RPH3A: variants seen among roughly 807,000 people sequenced by gnomAD.
The protein encoded by RPH3A is rabphilin-3A.
A neutral mutation model predicts 102.2 loss-of-function variants in RPH3A; 48 were observed. That is an observed-to-expected ratio of 0.47 (90% CI 0.37 to 0.60). The LOEUF is 0.60. Ranked by LOEUF, RPH3A falls within the 20% of genes least tolerant of loss-of-function variation. The probability of loss-of-function intolerance (pLI) is 0.00; values close to 1 mark genes in which losing one functional copy is unlikely to be tolerated. For synonymous variants in RPH3A, 310 were observed against 324.3 expected, an observed-to-expected ratio of 0.96 and a Z score of 0.47; for missense variants, 781 against 910.1, an observed-to-expected ratio of 0.86 and a Z score of 1.83.
In RPH3A at chr12:112,664,629, A is replaced by G. The variant is rs560464975; in HGVS notation, c.-140+89310A>G. Among the ~76,000 whole-genome samples, 7 of 152,200 alleles carry G rather than the reference A, an allele frequency of 4.6e-5. No homozygotes were observed. In the South Asian group the frequency reaches 1.5e-3, roughly 32 times the overall value. On this transcript the variant is annotated intron_variant, in intron 1 of 21. Transcript: ENST00000543106. Reference sequence around the variant, plus strand: ...TGTCCTTGTCTTCATTATAAGGGAAAGAGAGAGAGGGGCTGAAACCTAGGG... The same window carrying G: ...TGTCCTTGTCTTCATTATAAGGGAAGGAGAGAGAGGGGCTGAAACCTAGGG...
intron 1 of RPH3A, among the ~76,000 whole-genome samples, chr12:112,690,692 G>A (rs2040299709): frequency 6.6e-6 from 1 of 152,188 alleles, no homozygotes; most frequent in South Asian, 2.1e-4. Flanking sequence ...TGGACCCAAC[G>A]AGATCAGGGT....
intron 1 of RPH3A, among the ~76,000 whole-genome samples, chr12:112,741,933 G>C (rs73196575): frequency 0.098 from 14,861 of 152,108 alleles, 816 homozygotes; most frequent in Middle Eastern, 0.15. Flanking sequence ...ACTTGGATGT[G>C]ATTTTGCACG....
At chr12:112,895,902 C>A (rs1236071160) in intron 21 of RPH3A, 29 bp downstream of exon 21, 2 of 1,492,192 alleles carry the variant, frequency 1.3e-6, no homozygotes, top group African/African-American at 1.4e-5. Flanking sequence ...AGAGAAAACG[C>A]CCTCTTCTGT....
intron 1 of RPH3A, among the ~76,000 whole-genome samples, chr12:112,773,474 C>CT (rs952559301): frequency 1.5e-4 from 22 of 151,724 alleles, no homozygotes; most frequent in African/African-American, 4.8e-4. Flanking sequence ...GCAATGTCAT[C>CT]TTTTTTTAAA....
intron 4 of RPH3A, among the ~76,000 whole-genome samples, chr12:112,846,639 G>A (rs1380232929): frequency 6.6e-6 from 1 of 152,224 alleles, no homozygotes. Flanking sequence ...GCTAATGGGG[G>A]GCAGGCTCCT....
chr12:112,592,461 G>A (rs562119464), intron 1 of RPH3A, among the ~76,000 whole-genome samples: 25 of 151,984 alleles, frequency 1.6e-4, no homozygotes, highest in Non-Finnish European at 2.9e-4. Context: ...TGGGATTACG[G>A]GCACACGCCA....
At chr12:112,896,390 T>C (rs1182014778) in intron 21 of RPH3A, among the ~76,000 whole-genome samples, 1 of 152,110 alleles carries the variant, frequency 6.6e-6, no homozygotes, top group East Asian at 1.9e-4. Context: ...AGAATGGTGA[T>C]TTGTAGAAAG....
chr12:112,791,734 C>G (rs1406464218), upstream of RPH3A: 1 of 152,042 alleles, frequency 6.6e-6, no homozygotes, highest in African/African-American at 2.4e-5. Flanking sequence ...GCTGCCGCCC[C>G]GCTTCCCTTG....
chr12:112,760,025 G>A (rs978189333), intron 1 of RPH3A, among the ~76,000 whole-genome samples: 2 of 152,180 alleles, frequency 1.3e-5, no homozygotes, highest in South Asian at 2.1e-4. Flanking sequence ...GGATATTCAC[G>A]GTACAGCAGC....
chr12:112,853,504 G>T (rs1004328703), intron 5 of RPH3A, among the ~76,000 whole-genome samples: 2 of 152,148 alleles, frequency 1.3e-5, no homozygotes, highest in African/African-American at 4.8e-5. Context: ...TGTCCAGCTA[G>T]CCCTAATATG....
intron 1 of RPH3A, among the ~76,000 whole-genome samples, chr12:112,620,201 G>A (rs1175317421): frequency 6.6e-6 from 1 of 152,126 alleles, no homozygotes; most frequent in Non-Finnish European, 1.5e-5. Flanking sequence ...TGATTGGCTT[G>A]GCTGAAGTCA....
intron 1 of RPH3A, among the ~76,000 whole-genome samples, chr12:112,766,621 G>A (rs2040891082): frequency 6.6e-6 from 1 of 152,156 alleles, no homozygotes; most frequent in Non-Finnish European, 1.5e-5. Flanking sequence ...CTACAGTCAT[G>A]CCTGGGTGTT....
intron 1 of RPH3A, among the ~76,000 whole-genome samples, chr12:112,600,085 C>T (rs1413043586): frequency 6.6e-6 from 1 of 152,160 alleles, no homozygotes; most frequent in African/African-American, 2.4e-5. Context: ...TAACCCTGAA[C>T]CCTGAGCCTG....
chr12:112,771,954 T>G (rs961439146), intron 1 of RPH3A, among the ~76,000 whole-genome samples: 2 of 152,236 alleles, frequency 1.3e-5, no homozygotes, highest in Non-Finnish European at 2.9e-5. Flanking sequence ...TTTGTTTAAG[T>G]GTATGTATAA....
chr12:112,656,352 A>G (rs1202250332), intron 1 of RPH3A, among the ~76,000 whole-genome samples: 1 of 152,220 alleles, frequency 6.6e-6, no homozygotes, highest in Admixed American at 6.5e-5. Flanking sequence ...GATGCCATTT[A>G]TATACTCCTT....
intron 1 of RPH3A, among the ~76,000 whole-genome samples, chr12:112,722,916 T>C (rs988850084): frequency 1.3e-5 from 2 of 152,242 alleles, no homozygotes; most frequent in African/African-American, 4.8e-5. Context: ...GTTTGAGTAT[T>C]ATTTTGGTCC....
At chr12:112,613,617 T>C (rs1340491062) in intron 1 of RPH3A, among the ~76,000 whole-genome samples, 1 of 152,004 alleles carries the variant, frequency 6.6e-6, no homozygotes. Flanking sequence ...CTGGGCAACA[T>C]AGTGAGACCC....
chr12:112,877,413 CACGTAT>C (rs1171733700), intron 13 of RPH3A, among the ~76,000 whole-genome samples: 2 of 130,392 alleles, frequency 1.5e-5, no homozygotes, highest in African/African-American at 6.2e-5. Context: ...TACACACACA[CACGTAT>C]ACACACACAC....
intron 2 of RPH3A, among the ~76,000 whole-genome samples, chr12:112,821,356 T>G (rs952664876): frequency 5.3e-5 from 8 of 152,134 alleles, no homozygotes; most frequent in Non-Finnish European, 8.8e-5. Flanking sequence ...GCTTTCTGGG[T>G]CTCCTGCATC....
Sources: gnomAD v4.1 joint callset for allele counts (sites outside exome capture counted in the v4.1 genomes callset) on GRCh38, gnomAD v4.1.1 for gene constraint, MANE v1.5 for transcripts, NCBI Gene and HGNC (gene_info 2026-07-23, HGNC 2026-07-21) for gene names.